Variants in PLCG2 observed in about 807,000 individuals in gnomAD.
PLCG2 encodes 1-phosphatidylinositol 4,5-bisphosphate phosphodiesterase gamma-2.
Under a neutral mutation model 175.6 loss-of-function variants are expected in PLCG2, and 69 were observed. The observed-to-expected ratio is 0.39, with a 90% CI of 0.32 to 0.48. PLCG2 has a LOEUF of 0.48. Ranked by LOEUF, PLCG2 falls within the 20% of genes least tolerant of loss-of-function variation. PLCG2 has a pLI of 0.91. For synonymous variants in PLCG2, 827 were observed against 624.0 expected, an observed-to-expected ratio of 1.33 and a Z score of -4.85; for missense variants, 1,798 against 1,650.9, an observed-to-expected ratio of 1.09 and a Z score of -1.54.
intron 2 of PLCG2, among the ~76,000 whole-genome samples, chr16:81,824,609 C>T (rs914478640): frequency 6.6e-6 from 1 of 152,102 alleles, no homozygotes; most frequent in African/African-American, 2.4e-5. Flanking sequence ...GGTGAGATAA[C>T]GGGGTGTGGG....
chr16:81,743,078 A>T (rs533380268), intron 1 of PLCG2, among the ~76,000 whole-genome samples: 2 of 152,158 alleles, frequency 1.3e-5, no homozygotes, highest in Admixed American at 1.3e-4. Flanking sequence ...AAGTGGGGGG[A>T]TCACTTTAGC....
chr16:81,805,410 A>G (rs138619052), intron 2 of PLCG2, among the ~76,000 whole-genome samples: 6,312 of 151,198 alleles, frequency 0.042, 434 homozygotes, highest in African/African-American at 0.15. Flanking sequence ...GAGGCAGGAG[A>G]ATGGCGTTAA....
rs565651567 is a variant in PLCG2 at position 81,948,750 on chromosome 16, C to T, written c.3570+2487C>T. On this transcript the variant is annotated intron_variant, in intron 31 of 32. Coordinates refer to ENST00000564138, the MANE Select transcript of PLCG2 (RefSeq NM_002661.5). ...CATCAGCTAAAGTTGGTCAGTTTGC[C>T]TAATGCTGGCTCCAAAGAGCAAAAA... is the stretch of plus-strand genomic sequence containing the variant. 2.0e-5 allele frequency among the ~76,000 whole-genome samples: 3 copies of T among 152,264 alleles called. No individual in the cohort carries two copies. The South Asian group carries it at 6.2e-4, about 32-fold the overall frequency.
At chr16:81,761,701 G>GCT (rs1478823577) in intron 2 of PLCG2, among the ~76,000 whole-genome samples, 1 of 152,060 alleles carries the variant, frequency 6.6e-6, no homozygotes, top group African/African-American at 2.4e-5. Flanking sequence ...CATTGTATTT[G>GCT]CTATGTAGTT....
intron 2 of PLCG2, 117 bp downstream of exon 2, chr16:81,786,299 A>G: frequency 1.2e-6 from 1 of 834,730 alleles, no homozygotes; most frequent in Non-Finnish European, 1.9e-6. Context: ...GTGTTCTTTT[A>G]TTCGTCTTAA....
At chr16:81,818,651 C>G (rs1463915570) in intron 2 of PLCG2, among the ~76,000 whole-genome samples, 2 of 152,058 alleles carry the variant, frequency 1.3e-5, no homozygotes, top group Non-Finnish European at 2.9e-5. Flanking sequence ...CCGGGCATAC[C>G]TTTTCTCTGC....
chr16:81,884,297 G>T (rs911631603), intron 9 of PLCG2, among the ~76,000 whole-genome samples: 1 of 152,096 alleles, frequency 6.6e-6, no homozygotes, highest in Non-Finnish European at 1.5e-5. Context: ...GTTGCAGTGA[G>T]CCGAGATTGC....
chr16:81,850,462 G>A (rs997186540), intron 2 of PLCG2, among the ~76,000 whole-genome samples: 1 of 152,152 alleles, frequency 6.6e-6, no homozygotes, highest in South Asian at 2.1e-4. Context: ...TTTCTGGTTT[G>A]GGTGAAGAGT....
chr16:81,857,509 AT>A (rs1906745384), intron 3 of PLCG2, among the ~76,000 whole-genome samples: 1 of 74,130 alleles, frequency 1.3e-5, no homozygotes, highest in Non-Finnish European at 3.8e-5. Flanking sequence ...GAATGCCAAG[AT>A]CAAGATGCTG....
intron 11 of PLCG2, 131 bp downstream of exon 11, chr16:81,891,721 A>T: frequency 1.7e-6 from 1 of 592,372 alleles, no homozygotes; most frequent in Non-Finnish European, 3.1e-6. Flanking sequence ...CATTCCTTGG[A>T]CTAAAATACA....
chr16:81,925,438 C>T (rs140877512), intron 22 of PLCG2, among the ~76,000 whole-genome samples: 1 of 152,038 alleles, frequency 6.6e-6, no homozygotes, highest in African/African-American at 2.4e-5. Context: ...AGAAGTGGGT[C>T]TGGAGAAATG....
intron 2 of PLCG2, among the ~76,000 whole-genome samples, chr16:81,821,047 A>G (rs891028256): frequency 4.9e-4 from 74 of 151,776 alleles, no homozygotes; most frequent in African/African-American, 1.7e-3. Flanking sequence ...GCACACCATC[A>G]TGCCTGGCTA....
At chr16:81,892,169 C>G (rs915183912) in intron 11 of PLCG2, among the ~76,000 whole-genome samples, 1 of 152,234 alleles carries the variant, frequency 6.6e-6, no homozygotes, top group African/African-American at 2.4e-5. Context: ...GAGGAGTCTG[C>G]TAAGGCTGGA....
intron 1 of PLCG2, among the ~76,000 whole-genome samples, chr16:81,748,981 C>CG (rs1166094149): frequency 6.6e-6 from 1 of 152,086 alleles, no homozygotes; most frequent in South Asian, 2.1e-4. Context: ...AGGCCTGTGG[C>CG]GGGGGGTGGC....
At chr16:81,880,841 A>G (rs1908041997) in intron 7 of PLCG2, 69 bp from the exon 8 acceptor site, 13 of 1,464,870 alleles carry the variant, frequency 8.9e-6, no homozygotes, top group South Asian at 2.3e-5. Context: ...TTAACAACAA[A>G]AATCTTTCCG....
intron 1 of PLCG2, among the ~76,000 whole-genome samples, chr16:81,744,888 C>T (rs1005641133): frequency 2.0e-5 from 3 of 152,074 alleles, no homozygotes; most frequent in African/African-American, 4.8e-5. Context: ...TTTTTTAGGG[C>T]ATCTGGAGAG....
Position 81,912,775 on chromosome 16 carries a change from G to A in PLCG2, c.2054+59G>A. 5 of 1,505,034 alleles carry A rather than the reference G, an allele frequency of 3.3e-6. No homozygotes were observed. The South Asian group carries it at 6.8e-5, about 20-fold the overall frequency. 93.2% of individuals were successfully genotyped at this position (1,505,034 alleles called of 1,614,324 possible). A position where few individuals can be genotyped will look rare whatever the true frequency, so the allele number is the denominator to read the frequency against. On this transcript the variant is annotated intron_variant, in intron 19 of 32. Transcript: ENST00000564138. ...GAGGGGCTTGGCAAGGACAGATGCG[G>A]AGAGACAAGGGGGAACTTCAGGTGG...
At chr16:81,914,045 C>T (rs1178905496) in intron 19 of PLCG2, among the ~76,000 whole-genome samples, 1 of 152,240 alleles carries the variant, frequency 6.6e-6, no homozygotes, top group Non-Finnish European at 1.5e-5. Flanking sequence ...TTGCTCTTTC[C>T]CCTAAGCCTC....
chr16:81,890,900 C>T (rs7201677), intron 10 of PLCG2, among the ~76,000 whole-genome samples: 15,445 of 152,204 alleles, frequency 0.1, 1,070 homozygotes, highest in African/African-American at 0.19. Flanking sequence ...CAGTGGCTCA[C>T]GCCTGTAATC....
Sources: allele counts gnomAD v4.1 joint callset (sites outside exome capture counted in the v4.1 genomes callset), GRCh38; gene constraint gnomAD v4.1.1; transcripts MANE v1.5; gene names NCBI Gene and HGNC (gene_info 2026-07-23, HGNC 2026-07-21).